WNT7A: variants seen among roughly 807,000 people sequenced by gnomAD.
WNT7A encodes the protein protein Wnt-7a.
WNT7A carries 16 observed loss-of-function variants against 28.2 expected under a neutral mutation model. The observed-to-expected ratio is 0.57, with a 90% CI of 0.38 to 0.86. The LOEUF is 0.86. WNT7A is among the 40% of genes least tolerant of loss of function. The pLI, the probability that WNT7A is intolerant of heterozygous loss-of-function variation, is 0.00. For synonymous variants in WNT7A, 190 were observed against 195.9 expected (o/e 0.97, Z 0.25); for missense variants, 411 against 489.7 (o/e 0.84, Z 1.52).
rs181440032 is a variant in WNT7A, at chr3:13,819,217, C to T, written c.777G>A (p.Ser259=). ...GGTCCGTGTCCATGGGCTTGCGGTA[C>T]GACAGTGGCTTCTTGATCTTCAGGA... ...PTFLKIKKPL[S]YRKPMDTDLV... is the part of the protein sequence containing the mutation. The change falls in exon 4 of 4, where the codon TCG becomes TCA. Residue 259 remains serine, a synonymous_variant. Coordinates refer to ENST00000285018, the MANE Select transcript of WNT7A (RefSeq NM_004625.4). 85 of 1,614,246 alleles carry T rather than the reference C, an allele frequency of 5.3e-5. 1 individual carries two copies. In the East Asian group the frequency reaches 1.6e-3, roughly 30 times the overall value.
In WNT7A at chr3:13,817,826, A is replaced by C. The variant is rs1032484087; in HGVS notation, c.*1118T>G. The C allele has an allele frequency of 6.6e-6, 1 of 152,212 alleles. No homozygotes were observed. Among genetic ancestry groups the C allele is most frequent in the Non-Finnish European group, 1.5e-5 (1 of 68,048 alleles). 9.4% of individuals were successfully genotyped at this position (152,212 alleles called of 1,614,324 possible). A position where few individuals can be genotyped will look rare whatever the true frequency, so the allele number is the denominator to read the frequency against. ...CGATGACCACCCACCACAGTGACTC[A>C]TTTCGAAGCTACCACTCAGTGGCCC... On this transcript the variant is annotated 3_prime_UTR_variant, in exon 4 of 4. Coordinates refer to ENST00000285018, the MANE Select transcript of WNT7A (RefSeq NM_004625.4).
chr3:13,867,213 GA>G (rs1367034409), intron 2 of WNT7A, among the ~76,000 whole-genome samples: 2 of 152,168 alleles, frequency 1.3e-5, no homozygotes, highest in African/African-American at 4.8e-5. Flanking sequence ...CAGACTGTCA[GA>G]AAGGTGAAGT....
intron 3 of WNT7A, among the ~76,000 whole-genome samples, chr3:13,837,198 C>G (rs1694384097): frequency 6.6e-6 from 1 of 152,136 alleles, no homozygotes; most frequent in Non-Finnish European, 1.5e-5. Flanking sequence ...CTTAAAATGT[C>G]AGGTATTCCA....
At chr3:13,839,412 TAA>T (rs927454996) in intron 3 of WNT7A, among the ~76,000 whole-genome samples, 24 of 152,244 alleles carry the variant, frequency 1.6e-4, no homozygotes, top group African/African-American at 5.8e-4. Context: ...GGTGAAATAT[TAA>T]GTCATTGATG....
rs3762719 is a variant in WNT7A at position 13,854,643 on chromosome 3, A to G, written c.459T>C (p.Ser153=). 323,372 of 1,613,998 alleles carry G rather than the reference A, an allele frequency of 0.2. 35,800 individuals carry two copies. The highest frequency in any genetic ancestry group is 0.55 in the East Asian group (24,656 of 44,844). The change falls in exon 3 of 4, where the codon TCT becomes TCC. Residue 153 remains serine (S), a synonymous_variant. Coordinates refer to ENST00000285018, the MANE Select transcript of WNT7A (RefSeq NM_004625.4). ...RDEGWKWGGC[S]ADIRYGIGFA... ...AGCCGATGCCGTAGCGGATGTCGGC[A>G]GAGCAGCCACCCCACTTCCAGCCCT...
intron 3 of WNT7A, among the ~76,000 whole-genome samples, chr3:13,848,776 A>C (rs6800498): frequency 0.61 from 92,432 of 151,434 alleles, 28,626 homozygotes; most frequent in East Asian, 0.82. Flanking sequence ...CACACACACA[A>C]AAAAAAAACC....
chr3:13,832,806 C>T (rs1694303260), intron 3 of WNT7A, among the ~76,000 whole-genome samples: 1 of 152,128 alleles, frequency 6.6e-6, no homozygotes, highest in Non-Finnish European at 1.5e-5. Context: ...CCCTGGAATG[C>T]AGCCTGGGAG....
intron 2 of WNT7A, among the ~76,000 whole-genome samples, chr3:13,868,752 AG>A (rs1559307198): frequency 2.1e-5 from 3 of 143,982 alleles, no homozygotes; most frequent in African/African-American, 7.8e-5. Flanking sequence ...AAAGAAAGAA[AG>A]GAGGGAAGGG....
intron 2 of WNT7A, among the ~76,000 whole-genome samples, chr3:13,869,102 AAG>A (rs1694985958): frequency 7.2e-6 from 1 of 139,268 alleles, no homozygotes; most frequent in East Asian, 2.4e-4. Context: ...GAGAAAGAGA[AAG>A]AGGGAGAGAG....
chr3:13,869,374 G>C (rs1236430743), intron 2 of WNT7A, among the ~76,000 whole-genome samples: 1 of 126,514 alleles, frequency 7.9e-6, no homozygotes, highest in Non-Finnish European at 1.7e-5. Context: ...AGGAAGGAAG[G>C]GAGAAAGGGA....
intron 3 of WNT7A, among the ~76,000 whole-genome samples, chr3:13,823,173 T>C (rs925217927): frequency 1.3e-5 from 2 of 152,116 alleles, no homozygotes; most frequent in Non-Finnish European, 2.9e-5. Context: ...AGGAAGTGTG[T>C]GAGGGACAAA....
intron 3 of WNT7A, among the ~76,000 whole-genome samples, chr3:13,848,512 A>G (rs983610833): frequency 6.6e-6 from 1 of 152,248 alleles, no homozygotes; most frequent in Non-Finnish European, 1.5e-5. Flanking sequence ...GGAAATGCCA[A>G]TCAATACCAC....
chr3:13,870,227 A>G (rs1695009891), intron 2 of WNT7A, among the ~76,000 whole-genome samples: 1 of 152,212 alleles, frequency 6.6e-6, no homozygotes, highest in African/African-American at 2.4e-5. Flanking sequence ...AAGTATTATA[A>G]TTAAGTTAAA....
rs1694064240 is a variant in WNT7A at position 13,818,975 on chromosome 3, C to T, written c.1019G>A (p.Ser340Asn). Residue 340 changes from serine to asparagine, a missense_variant, in exon 4 of 4, where the codon AGC (serine) becomes AAC (asparagine). Coordinates refer to ENST00000285018, the MANE Select transcript of WNT7A (RefSeq NM_004625.4). ...GCACGTGTACATCTCCGTGCGCTCG[C>T]TGCACGTGTTGCACTTGACATAGCA... ...WCCYVKCNTC[S>N]ERTEMYTCK The T allele has an allele frequency of 1.3e-6, 2 of 1,597,358 alleles. No individual in the cohort carries two copies. Among genetic ancestry groups the T allele is most frequent in the Admixed American group, 3.4e-5 (2 of 59,546 alleles).
chr3:13,875,370 G>T (rs1013894062), intron 1 of WNT7A, among the ~76,000 whole-genome samples, 197 bp from the exon 2 acceptor site: 6 of 152,132 alleles, frequency 3.9e-5, no homozygotes, highest in African/African-American at 1.4e-4. Flanking sequence ...GAATCAATGC[G>T]TATACCCAAT....
At chr3:13,833,057 T>C (rs944127507) in intron 3 of WNT7A, among the ~76,000 whole-genome samples, 2 of 151,870 alleles carry the variant, frequency 1.3e-5, no homozygotes, top group African/African-American at 4.8e-5. Context: ...CCCAGATTCA[T>C]CTCTTTCTAG....
chr3:13,860,126 C>T (rs114913553), intron 2 of WNT7A, among the ~76,000 whole-genome samples: 2,416 of 152,234 alleles, frequency 0.016, 61 homozygotes, highest in African/African-American at 0.054. Context: ...TCCTAGGTTC[C>T]GGACCCATGC....
intron 2 of WNT7A, among the ~76,000 whole-genome samples, chr3:13,868,407 G>A (rs111592221): frequency 0.022 from 3,331 of 151,488 alleles, 127 homozygotes; most frequent in African/African-American, 0.077. Context: ...CCCAGGAGGT[G>A]GAGGCTGCAG....
intron 3 of WNT7A, among the ~76,000 whole-genome samples, chr3:13,835,566 C>T (rs561102484): frequency 6.6e-6 from 1 of 152,224 alleles, no homozygotes; most frequent in African/African-American, 2.4e-5. Flanking sequence ...AGAGCACGGG[C>T]CCCCTACATC....
Sources: gnomAD v4.1 joint callset for allele counts (sites outside exome capture counted in the v4.1 genomes callset) on GRCh38, gnomAD v4.1.1 for gene constraint, MANE v1.5 for transcripts, NCBI Gene and HGNC (gene_info 2026-07-23, HGNC 2026-07-21) for gene names.